Variants in IGDCC4 observed in about 807,000 individuals in gnomAD.
IGDCC4 encodes likely ortholog of mouse neighbor of Punc E11.
A neutral mutation model predicts 116.6 loss-of-function variants in IGDCC4; 72 were observed. That is an observed-to-expected ratio of 0.62 (90% CI 0.51 to 0.75). The LOEUF (loss-of-function observed/expected upper bound fraction) is 0.75. IGDCC4 is among the 30% of genes least tolerant of loss of function. IGDCC4 has a pLI of 0.00. For synonymous variants in IGDCC4, 709 were observed against 719.9 expected (o/e 0.98, Z 0.24); for missense variants, 1,501 against 1,662.4 (o/e 0.90, Z 1.69).
intron 1 of IGDCC4, among the ~76,000 whole-genome samples, chr15:65,417,186 G>A (rs1187647850): frequency 6.6e-6 from 1 of 152,114 alleles, no homozygotes; most frequent in Non-Finnish European, 1.5e-5. Context: ...ACACAAGTCG[G>A]TTCCTTCCAG....
At chr15:65,390,463 CA>C (rs1454516162) in intron 12 of IGDCC4, 125 bp from the exon 13 acceptor site, 3 of 701,108 alleles carry the variant, frequency 4.3e-6, no homozygotes, top group Non-Finnish European at 6.4e-6. Flanking sequence ...AGTTGAGTGG[CA>C]TCATTCCTAC....
At chr15:65,409,200 C>A (rs1230600073) in intron 3 of IGDCC4, among the ~76,000 whole-genome samples, 1 of 151,968 alleles carries the variant, frequency 6.6e-6, no homozygotes, top group Non-Finnish European at 1.5e-5. Flanking sequence ...GCTTTTCTAC[C>A]CCGAAGTTTC....
Position 65,389,332 on chromosome 15 carries a change from T to C in IGDCC4, c.2488A>G (p.Met830Val), listed in dbSNP as rs374717513. The C allele has an allele frequency of 9.9e-6, 16 of 1,614,026 alleles. No individual in the cohort carries two copies. Among genetic ancestry groups the C allele is most frequent in the African/African-American group, 4.0e-5 (3 of 74,922 alleles). The change falls in exon 14 of 20, where the codon ATG becomes GTG. Residue 830 changes from methionine to valine, a missense_variant. This residue lies in a region of IGDCC4 where 235 missense variants were observed against 328.0 expected (regional missense o/e 0.72). Coordinates refer to ENST00000352385, the MANE Select transcript of IGDCC4 (RefSeq NM_020962.3). ...EFAVQSHGVD[M>V]DGPFGSVVER... ...ACCACAGAGCCGAAAGGCCCATCCA[T>C]GTCCACGCCGTGAGACTGCACTGCA...
At chr15:65,408,442 A>G (rs1436030044) in intron 3 of IGDCC4, among the ~76,000 whole-genome samples, 8 of 152,232 alleles carry the variant, frequency 5.3e-5, no homozygotes, top group Non-Finnish European at 8.8e-5. Context: ...TGTCAGTGTT[A>G]GAAAGGCTGG....
intron 3 of IGDCC4, 38 bp from the exon 4 acceptor site, chr15:65,402,525 G>A: frequency 6.4e-7 from 1 of 1,553,468 alleles, no homozygotes; most frequent in Non-Finnish European, 8.7e-7. Context: ...GAGGTGGGCA[G>A]GGGGGCCACA....
chr15:65,388,996 A>T lies in IGDCC4; in HGVS notation c.2537-18T>A. 6.6e-7 allele frequency: 1 copy of T among 1,518,690 alleles called. No individual in the cohort carries two copies. The highest frequency in any genetic ancestry group is 8.9e-7 in the Non-Finnish European group (1 of 1,125,394). The allele number at this position is 1,518,690 out of a possible 1,614,324, so 94.1% of individuals were successfully genotyped here. On this transcript the variant is annotated intron_variant, in intron 14 of 19. Coordinates refer to ENST00000352385, the MANE Select transcript of IGDCC4 (RefSeq NM_020962.3). ...GGAGGGCCCTGGGGTGCGGGAGAGG[A>T]GATGGGGAGAGATGTCAGAGCTGGG...
chr15:65,390,405 T>C (rs2091503642), intron 12 of IGDCC4, 67 bp from the exon 13 acceptor site: 1 of 1,329,890 alleles, frequency 7.5e-7, no homozygotes, highest in South Asian at 1.7e-5. Context: ...TGTATAGTGG[T>C]TTACAGTTCC....
chr15:65,418,721 C>A (rs1055793506), intron 1 of IGDCC4, among the ~76,000 whole-genome samples: 1 of 152,278 alleles, frequency 6.6e-6, no homozygotes. Context: ...CATGCTTACT[C>A]CTCCCCCTGC....
At chr15:65,414,492 T>G (rs1188515607) in intron 1 of IGDCC4, among the ~76,000 whole-genome samples, 1 of 152,254 alleles carries the variant, frequency 6.6e-6, no homozygotes, top group African/African-American at 2.4e-5. Flanking sequence ...CTGCTCCACC[T>G]ACCAGCTCTG....
chr15:65,412,684 G>T (rs975201457), intron 1 of IGDCC4, among the ~76,000 whole-genome samples: 37 of 152,022 alleles, frequency 2.4e-4, no homozygotes, highest in African/African-American at 8.5e-4. Context: ...CCAACACTTT[G>T]TGAGGTTGAG....
chr15:65,418,826 G>A (rs1413156818), intron 1 of IGDCC4, among the ~76,000 whole-genome samples: 1 of 152,096 alleles, frequency 6.6e-6, no homozygotes, highest in Admixed American at 6.6e-5. Flanking sequence ...AAGAGGTGGG[G>A]GGGGTTAAGT....
At chr15:65,417,612 G>A (rs1200177948) in intron 1 of IGDCC4, among the ~76,000 whole-genome samples, 1 of 152,030 alleles carries the variant, frequency 6.6e-6, no homozygotes, top group Non-Finnish European at 1.5e-5. Flanking sequence ...TTTTTGCGGG[G>A]GGAGACGGAG....
In IGDCC4 at chr15:65,383,766, A is replaced by C. The variant is rs2091424238; in HGVS notation, c.*243T>G. ...CAACCAGTACGCATACATGCACTTC[A>C]CACATGTGCACATCACATGTAGCTA... On this transcript the variant is annotated 3_prime_UTR_variant, in exon 20 of 20. Coordinates refer to ENST00000352385, the MANE Select transcript of IGDCC4 (RefSeq NM_020962.3). 1.8e-5 allele frequency: 8 copies of C among 437,536 alleles called. No homozygotes were observed. The highest frequency in any genetic ancestry group is 1.2e-4 in the Admixed American group (3 of 25,608). The allele number at this position is 437,536 out of a possible 1,614,324, so 27.1% of individuals were successfully genotyped here.
intron 5 of IGDCC4, among the ~76,000 whole-genome samples, chr15:65,399,042 C>G (rs1305439777): frequency 1.3e-5 from 2 of 152,162 alleles, no homozygotes; most frequent in Non-Finnish European, 2.9e-5. Flanking sequence ...TCCTCCGGGA[C>G]AGCAATTCTC....
At position 65,392,144 on chromosome 15, in the gene IGDCC4, C is replaced by T. The variant is rs1261763189; in HGVS notation, c.2112G>A (p.Leu704=). 1 of 1,601,180 alleles carries T rather than the reference C, an allele frequency of 6.2e-7. No homozygotes were observed. The highest frequency in any genetic ancestry group is 1.1e-5 in the South Asian group (1 of 89,942). Residue 704 remains leucine, a synonymous_variant, in exon 11 of 20, where the codon CTG becomes CTA. Coordinates refer to ENST00000352385, the MANE Select transcript of IGDCC4 (RefSeq NM_020962.3). ...CCCAGCCCTCCTCACCTAGCTGGGT[C>T]AGCTCATACTGCTTCACTTTCTTCT... ...RLKKKVKQYE[L]TQLVPGRLYE...
intron 16 of IGDCC4, among the ~76,000 whole-genome samples, chr15:65,386,898 C>T (rs1168605369): frequency 6.6e-6 from 1 of 152,204 alleles, no homozygotes; most frequent in Non-Finnish European, 1.5e-5. Context: ...TCAAACTGGC[C>T]TTTGGTGAAG....
intron 5 of IGDCC4, among the ~76,000 whole-genome samples, chr15:65,397,916 T>TA (rs2062942842): frequency 6.6e-6 from 1 of 152,220 alleles, no homozygotes; most frequent in South Asian, 2.1e-4. Flanking sequence ...GGAAAGGACT[T>TA]AAAAATCCAA....
intron 15 of IGDCC4, 70 bp from the exon 16 acceptor site, chr15:65,388,656 G>C: frequency 6.2e-7 from 1 of 1,607,582 alleles, no homozygotes; most frequent in East Asian, 2.2e-5. Context: ...TGGGCAGGGA[G>C]GGGACTGGGA....
rs116388408 is a variant in IGDCC4, at chr15:65,384,707, C to A, written c.3342+247G>T. The A allele has an allele frequency of 1.4e-3, 728 of 539,158 alleles. 4 individuals are homozygous for A. Among genetic ancestry groups the A allele is most frequent in the African/African-American group, 0.013 (655 of 50,756 alleles). 33.4% of individuals were successfully genotyped at this position (539,158 alleles called of 1,614,324 possible). On this transcript the variant is annotated intron_variant, in intron 19 of 19. Coordinates refer to ENST00000352385, the MANE Select transcript of IGDCC4 (RefSeq NM_020962.3). The surrounding 1 kb of genome is among the most constrained non-coding windows in gnomAD (Gnocchi z 4.9). ...CAGGCCAGCCACACCCTCAGATCCA[C>A]GGAACTGCTGTGGCCCACTTAGGTC...
Sources: gnomAD v4.1 joint callset for allele counts (sites outside exome capture counted in the v4.1 genomes callset) on GRCh38, gnomAD v4.1.1 for gene constraint, gnomAD v4.1.1 regional missense constraint, Gnocchi (gnomAD v3.1) non-coding constraint, MANE v1.5 for transcripts, NCBI Gene and HGNC (gene_info 2026-07-23, HGNC 2026-07-21) for gene names.